NAXD: variants seen among roughly 807,000 people sequenced by gnomAD.
NAXD encodes NAD(P)HX dehydratase.
Under a neutral mutation model 35.8 loss-of-function variants are expected in NAXD, and 22 were observed. The ratio of observed to expected loss-of-function variants is 0.62; its 90% CI spans 0.44 to 0.88. The LOEUF is 0.88. Among genes scored for constraint, NAXD ranks in the 40% least tolerant of loss-of-function variants. The probability of loss-of-function intolerance (pLI) is 0.00; values close to 1 mark genes in which losing one functional copy is unlikely to be tolerated. For missense variants in NAXD, 428 were observed against 437.7 expected, an observed-to-expected ratio of 0.98 and a Z score of 0.20; for synonymous variants, 189 against 177.6, an observed-to-expected ratio of 1.06 and a Z score of -0.51.
At chr13:110,630,423 TTCA>T (rs1346854504) in intron 5 of NAXD, among the ~76,000 whole-genome samples, 7 of 152,222 alleles carry the variant, frequency 4.6e-5, no homozygotes, top group African/African-American at 1.2e-4. Context: ...TTAGGAGTTC[TTCA>T]TATACGTTCT....
At chr13:110,627,349 A>AT in intron 4 of NAXD, 90 bp from the exon 5 acceptor site, 2 of 798,134 alleles carry the variant, frequency 2.5e-6, no homozygotes, top group South Asian at 3.4e-5. Context: ...TTTATAAGTT[A>AT]TTTTTTCAAA....
At chr13:110,618,816 T>A (rs1886155000) in intron 1 of NAXD, among the ~76,000 whole-genome samples, 1 of 152,198 alleles carries the variant, frequency 6.6e-6, no homozygotes, top group South Asian at 2.1e-4. Context: ...GACTAGCATA[T>A]CTCCTCTTTC....
intron 5 of NAXD, among the ~76,000 whole-genome samples, chr13:110,627,994 C>T (rs1002405680): frequency 5.3e-5 from 8 of 152,202 alleles, no homozygotes; most frequent in Non-Finnish European, 7.3e-5. Context: ...TGAGGTGACA[C>T]GGGCCTGCTT....
chr13:110,636,375 A>ACTT (rs10635836), intron 8 of NAXD, among the ~76,000 whole-genome samples: 54,531 of 151,984 alleles, frequency 0.36, 10,651 homozygotes, highest in African/African-American at 0.51. Flanking sequence ...ACACGCATGC[A>ACTT]ATTCATACAC....
chr13:110,630,936 C>T (rs990115063), intron 5 of NAXD, among the ~76,000 whole-genome samples: 3 of 152,192 alleles, frequency 2.0e-5, no homozygotes, highest in African/African-American at 7.2e-5. Flanking sequence ...GTCGAAAGCC[C>T]GAGTCCTCCA....
rs776513310 is a variant in NAXD at position 110,638,300 on chromosome 13, A to C, written c.840-78A>C. 2 of 1,608,320 alleles carry C rather than the reference A, an allele frequency of 1.2e-6. No homozygotes were observed. Among genetic ancestry groups the C allele is most frequent in the Non-Finnish European group, 1.7e-6 (2 of 1,177,478 alleles). On this transcript the variant is annotated intron_variant, in intron 9 of 9. Transcript: ENST00000680254. The surrounding 1 kb of genome is among the most constrained non-coding windows in gnomAD (Gnocchi z 5.4). Reference sequence around the variant, plus strand: ...TCCTGAGATTGAAACAGGAGTCAAAACCAGAGCCCAGGGTAGCTGCGGCCC... The same window carrying C: ...TCCTGAGATTGAAACAGGAGTCAAACCCAGAGCCCAGGGTAGCTGCGGCCC...
In NAXD at chr13:110,628,008, C is replaced by G. The variant is rs536649186; in HGVS notation, c.441+461C>G. ...GTGAGGTGACACGGGCCTGCTTGTC[C>G]GTGCCCACATGCATATGCGCATGGA... On this transcript the variant is annotated intron_variant, in intron 5 of 9. Transcript: ENST00000680254. The surrounding 1 kb of genome is among the most constrained non-coding windows in gnomAD (Gnocchi z 4.1). Among the ~76,000 whole-genome samples the G allele has an allele frequency of 7.9e-5, 12 of 152,328 alleles. No individual in the cohort carries two copies. Among genetic ancestry groups the G allele is most frequent in the South Asian group, 6.2e-4 (3 of 4,826 alleles).
Position 110,624,326 on chromosome 13 carries a change from TTTGA to T in NAXD, c.243+50_243+53del, listed in dbSNP as rs201368938. ...TTATTGGGATTTTTCTGGTAGAGAG[TTTGA>T]TTATTTAAATATGATTAAAGCAAAT... is the stretch of plus-strand genomic sequence containing the variant. On this transcript the variant is annotated intron_variant, in intron 3 of 9. Transcript: ENST00000680254. 775 of 1,164,626 alleles carry T rather than the reference TTTGA, an allele frequency of 6.7e-4. 3 individuals are homozygous for T. In the African/African-American group the frequency reaches 0.01, roughly 15 times the overall value. 72.1% of individuals were successfully genotyped at this position (1,164,626 alleles called of 1,614,324 possible).
chr13:110,632,192 C>T (rs1478862715), intron 5 of NAXD, among the ~76,000 whole-genome samples: 1 of 138,532 alleles, frequency 7.2e-6, no homozygotes, highest in African/African-American at 2.6e-5. Context: ...AGGCTACAGA[C>T]CTTCGCGGTG....
intron 2 of NAXD, among the ~76,000 whole-genome samples, chr13:110,624,000 C>T (rs1320434959): frequency 7.7e-6 from 1 of 130,092 alleles, no homozygotes; most frequent in Non-Finnish European, 1.6e-5. Flanking sequence ...GAAACTCTGT[C>T]TCAAAAAAAA....
At chr13:110,630,220 G>A (rs1388339300) in intron 5 of NAXD, among the ~76,000 whole-genome samples, 1 of 151,930 alleles carries the variant, frequency 6.6e-6, no homozygotes, top group Non-Finnish European at 1.5e-5. Flanking sequence ...GTAGAGATGG[G>A]GTTTCACCAT....
intron 5 of NAXD, among the ~76,000 whole-genome samples, chr13:110,631,485 G>GA (rs1886694936): frequency 6.6e-6 from 1 of 152,296 alleles, no homozygotes; most frequent in South Asian, 2.1e-4. Flanking sequence ...CATGGGTGGG[G>GA]ACACCCTTCT....
At chr13:110,632,356 G>C (rs1423162217) in intron 5 of NAXD, among the ~76,000 whole-genome samples, 4 of 152,200 alleles carry the variant, frequency 2.6e-5, no homozygotes, top group Non-Finnish European at 5.9e-5. Context: ...GCAGTAGCAA[G>C]ATTTATTGCA....
intron 4 of NAXD, 70 bp downstream of exon 4, chr13:110,625,348 A>T: frequency 9.8e-7 from 1 of 1,021,674 alleles, no homozygotes; most frequent in Non-Finnish European, 1.5e-6. Context: ...TTTGGCACTG[A>T]CACCGAAAGC....
At chr13:110,615,832 A>G in intron 1 of NAXD, 185 bp downstream of exon 1, 5 of 1,258,284 alleles carry the variant, frequency 4.0e-6, no homozygotes, top group Non-Finnish European at 5.0e-6. Context: ...GCCGAGGGGC[A>G]GCCCGCGCGC....
rs771369532 is a variant in NAXD, at chr13:110,625,207, C to T, written c.261C>T (p.His87=). The change falls in exon 4 of 10, where the codon CAC becomes CAT. Residue 87 remains histidine, a synonymous_variant. Coordinates refer to ENST00000680254, the MANE Select transcript of NAXD (RefSeq NM_001242882.2). ...SALKVGADLS[H]VFCASAAAPV... is the part of the protein sequence containing the mutation. ...TTCATCAGGGCGCAGACTTGTCCCA[C>T]GTGTTCTGTGCCAGTGCGGCCGCAC... The T allele has an allele frequency of 1.9e-5, 31 of 1,613,654 alleles. No homozygotes were observed. The highest frequency in any genetic ancestry group is 2.3e-5 in the Non-Finnish European group (27 of 1,179,744).
At position 110,634,538 on chromosome 13, in the gene NAXD, C is replaced by T. The variant is rs1374171528; in HGVS notation, c.442-7C>T. The T allele has an allele frequency of 6.2e-7, 1 of 1,614,160 alleles. No individual in the cohort carries two copies. The highest frequency in any genetic ancestry group is 8.5e-7 in the Non-Finnish European group (1 of 1,179,976). On this transcript the variant is annotated splice_region_variant and splice_polypyrimidine_tract_variant and intron_variant, in intron 5 of 9. Coordinates refer to ENST00000680254, the MANE Select transcript of NAXD (RefSeq NM_001242882.2). ...ATGGTGCTCAGTCTGGTTTTCTCTT[C>T]TGGCAGGGCATTTTGGAAGTGTCAA...
intron 4 of NAXD, among the ~76,000 whole-genome samples, chr13:110,625,543 G>C (rs1348113751): frequency 6.6e-6 from 1 of 152,228 alleles, no homozygotes; most frequent in Non-Finnish European, 1.5e-5. Flanking sequence ...AGGCCCTGTG[G>C]GCTGTGTGTG....
In NAXD at chr13:110,637,189, C is replaced by T. The variant is rs1006325282; in HGVS notation, c.779C>T (p.Ser260Leu). The T allele has an allele frequency of 6.2e-6, 10 of 1,613,882 alleles. No individual in the cohort carries two copies. The highest frequency in any genetic ancestry group is 1.3e-5 in the African/African-American group (1 of 74,952). ...RRCGGQGDLL[S>L]GSLGVLVHWA... ...TGTGGAGGGCAAGGGGACCTCCTGT[C>T]GGGCTCCCTGGGCGTCCTGGTACAC... The change falls in exon 9 of 10, where the codon TCG becomes TTG. Residue 260 changes from serine (S) to leucine (L), a missense_variant. Ser to Leu is a moderately radical substitution (Grantham distance 145, BLOSUM62 -2). Coordinates refer to ENST00000680254, the MANE Select transcript of NAXD (RefSeq NM_001242882.2).
Sources: allele counts gnomAD v4.1 joint callset (sites outside exome capture counted in the v4.1 genomes callset), GRCh38; gene constraint gnomAD v4.1.1; non-coding constraint Gnocchi (gnomAD v3.1); transcripts MANE v1.5; gene names NCBI Gene and HGNC (gene_info 2026-07-23, HGNC 2026-07-21).